Variants in DCDC1 observed in about 807,000 individuals in gnomAD.
The protein encoded by DCDC1 is doublecortin domain-containing protein 1.
Under a neutral mutation model 178.3 loss-of-function variants are expected in DCDC1, and 200 were observed. The observed-to-expected ratio is 1.12, with a 90% CI of 1.00 to 1.26. The LOEUF (loss-of-function observed/expected upper bound fraction) is 1.26, where lower values mean the gene tolerates loss of function less well. Among genes scored for constraint, DCDC1 ranks in the 50% most tolerant of loss-of-function variants. The pLI, the probability that DCDC1 is intolerant of heterozygous loss-of-function variation, is 0.00. For missense variants in DCDC1, 1,983 were observed against 1,749.2 expected (o/e 1.13, Z -2.38); for synonymous variants, 690 against 604.8 (o/e 1.14, Z -2.07).
intron 15 of DCDC1, among the ~76,000 whole-genome samples, chr11:31,097,647 A>G (rs1436727379): frequency 6.6e-6 from 1 of 152,206 alleles, no homozygotes; most frequent in Non-Finnish European, 1.5e-5. Context: ...ATGCAGTCAA[A>G]CACGGCAAAA....
intron 34 of DCDC1, among the ~76,000 whole-genome samples, chr11:30,898,598 A>G (rs1341473250): frequency 6.6e-6 from 1 of 152,184 alleles, no homozygotes; most frequent in African/African-American, 2.4e-5. Context: ...GTGTTGGGGT[A>G]GTATGACAGT....
intron 36 of DCDC1, among the ~76,000 whole-genome samples, chr11:30,885,954 A>G (rs1194344650): frequency 6.6e-6 from 1 of 152,156 alleles, no homozygotes; most frequent in East Asian, 1.9e-4. Flanking sequence ...GGCAAATAAT[A>G]GAAAACTGGT....
chr11:31,190,014 C>G (rs1157759288), intron 9 of DCDC1, among the ~76,000 whole-genome samples: 1 of 152,128 alleles, frequency 6.6e-6, no homozygotes, highest in Non-Finnish European at 1.5e-5. Flanking sequence ...TCTCAGACAA[C>G]TCTATAAATA....
intron 20 of DCDC1, among the ~76,000 whole-genome samples, chr11:30,975,858 A>G (rs1950073927): frequency 6.6e-6 from 1 of 151,922 alleles, no homozygotes; most frequent in African/African-American, 2.4e-5. Flanking sequence ...ATAGAAAAAA[A>G]ATTCTAAAAT....
chr11:30,953,210 T>C (rs1948536541), intron 20 of DCDC1, among the ~76,000 whole-genome samples: 1 of 149,766 alleles, frequency 6.7e-6, no homozygotes, highest in Non-Finnish European at 1.5e-5. Flanking sequence ...CAGATATAAA[T>C]GCAATTTTAA....
At chr11:31,322,960 T>A (rs1434338115) in intron 3 of DCDC1, among the ~76,000 whole-genome samples, 2 of 152,230 alleles carry the variant, frequency 1.3e-5, no homozygotes, top group African/African-American at 2.4e-5. Flanking sequence ...TTACTTTTGC[T>A]TTATTTTTAG....
intron 11 of DCDC1, among the ~76,000 whole-genome samples, chr11:31,113,453 C>A (rs539135107): frequency 7.4e-6 from 1 of 135,830 alleles, no homozygotes; most frequent in African/African-American, 2.7e-5. Context: ...CCCCACCCAA[C>A]GACAGGCCCC....
At chr11:31,069,904 G>T (rs756623551) in intron 18 of DCDC1, among the ~76,000 whole-genome samples, 224 of 152,314 alleles carry the variant, frequency 1.5e-3, no homozygotes, top group Non-Finnish European at 2.3e-3. Flanking sequence ...TGAACATTCT[G>T]CTAGACACTG....
intron 7 of DCDC1, among the ~76,000 whole-genome samples, chr11:31,284,613 T>G (rs894920939): frequency 1.3e-5 from 2 of 152,046 alleles, no homozygotes; most frequent in Non-Finnish European, 1.5e-5. Context: ...AGAAATACAT[T>G]TTAACTTTCA....
At chr11:31,307,021 T>C (rs1342268746) in intron 4 of DCDC1, among the ~76,000 whole-genome samples, 1 of 152,170 alleles carries the variant, frequency 6.6e-6, no homozygotes, top group Non-Finnish European at 1.5e-5. Flanking sequence ...CTGACTAACG[T>C]CAAATTTTCT....
intron 15 of DCDC1, among the ~76,000 whole-genome samples, chr11:31,097,505 T>A (rs562768868): frequency 6.6e-6 from 1 of 152,344 alleles, no homozygotes; most frequent in East Asian, 1.9e-4. Flanking sequence ...TGTTATACAA[T>A]CTCTTTCCTC....
intron 20 of DCDC1, among the ~76,000 whole-genome samples, chr11:30,974,676 C>T (rs997768036): frequency 6.6e-6 from 1 of 152,042 alleles, no homozygotes; most frequent in African/African-American, 2.4e-5. Context: ...AACAGAAGAC[C>T]TGAACAAACC....
chr11:31,355,567 T>C (rs1406142543), intron 1 of DCDC1, among the ~76,000 whole-genome samples: 1 of 152,134 alleles, frequency 6.6e-6, no homozygotes, highest in Non-Finnish European at 1.5e-5. Flanking sequence ...TAACATTCTT[T>C]TTCTTTTTTC....
chr11:31,207,270 A>C (rs1209789281), intron 9 of DCDC1, among the ~76,000 whole-genome samples: 1 of 152,182 alleles, frequency 6.6e-6, no homozygotes, highest in East Asian at 1.9e-4. Context: ...TACTAAAACT[A>C]AATATTATTC....
chr11:31,224,130 C>T (rs1013492303), intron 9 of DCDC1, among the ~76,000 whole-genome samples: 6 of 152,022 alleles, frequency 3.9e-5, no homozygotes, highest in Non-Finnish European at 7.4e-5. Flanking sequence ...ATTCTGAGGC[C>T]TCCCCAGACA....
intron 32 of DCDC1, 114 bp downstream of exon 32, chr11:30,903,368 A>G: frequency 1.4e-5 from 15 of 1,059,650 alleles, no homozygotes; most frequent in Non-Finnish European, 1.9e-5. Context: ...TCACAAAAGT[A>G]GCTTCCTATG....
At position 31,130,830 on chromosome 11, in the gene DCDC1, C is replaced by A. The variant is rs549000210; in HGVS notation, c.1315-3191G>T. On this transcript the variant is annotated intron_variant, in intron 10 of 38. Transcript: ENST00000684477. ...ATATCATGGGAATGGAAGGCAGAGA[C>A]AATACAGGGAGGTCAGGAGGAATCC... 2.7e-5 allele frequency among the ~76,000 whole-genome samples: 4 copies of A among 150,496 alleles called. No individual in the cohort carries two copies. In the East Asian group the frequency reaches 7.9e-4, roughly 30 times the overall value.
intron 20 of DCDC1, among the ~76,000 whole-genome samples, chr11:30,993,595 T>C (rs1435365917): frequency 6.6e-6 from 1 of 151,852 alleles, no homozygotes; most frequent in Non-Finnish European, 1.5e-5. Flanking sequence ...AACAAGACAA[T>C]AATAACTGAT....
intron 20 of DCDC1, among the ~76,000 whole-genome samples, chr11:30,956,781 G>A (rs1332650455): frequency 6.6e-6 from 1 of 151,964 alleles, no homozygotes; most frequent in African/African-American, 2.4e-5. Context: ...GCATGAGATC[G>A]GGTAGTGTTG....
Sources: allele counts gnomAD v4.1 joint callset (sites outside exome capture counted in the v4.1 genomes callset), GRCh38; gene constraint gnomAD v4.1.1; transcripts MANE v1.5; gene names NCBI Gene and HGNC (gene_info 2026-07-23, HGNC 2026-07-21).